PALLD: variants seen among roughly 807,000 people sequenced by gnomAD.
PALLD encodes palladin, cytoskeletal associated protein.
A neutral mutation model predicts 123.5 loss-of-function variants in PALLD; 61 were observed. That is an observed-to-expected ratio of 0.49 (90% confidence interval 0.40 to 0.61). PALLD has a LOEUF of 0.61. Ranked by LOEUF, PALLD falls within the 20% of genes least tolerant of loss-of-function variation. The pLI, the probability that PALLD is intolerant of heterozygous loss-of-function variation, is 0.00. For missense variants in PALLD, 1,273 were observed against 1,377.0 expected (o/e 0.92, Z 1.20); for synonymous variants, 465 against 496.4 (o/e 0.94, Z 0.84).
At chr4:168,907,783 A>T (rs557726710) in intron 15 of PALLD, among the ~76,000 whole-genome samples, 2 of 152,098 alleles carry the variant, frequency 1.3e-5, no homozygotes, top group African/African-American at 2.4e-5. Context: ...AGAATATCCT[A>T]TCCAACCTGT....
intron 10 of PALLD, among the ~76,000 whole-genome samples, chr4:168,836,568 C>T (rs927933943): frequency 2.6e-5 from 4 of 152,128 alleles, no homozygotes; most frequent in Admixed American, 1.3e-4. Context: ...TAACCAGGTG[C>T]TTCAGTTCTC....
chr4:168,755,007 C>T (rs550992894), intron 10 of PALLD, among the ~76,000 whole-genome samples: 158 of 152,112 alleles, frequency 1.0e-3, no homozygotes, highest in Middle Eastern at 6.8e-3. Context: ...CTGAGGTGGG[C>T]GGATCATGAG....
chr4:168,582,475 G>C (rs1366357294), intron 2 of PALLD, among the ~76,000 whole-genome samples: 1 of 151,518 alleles, frequency 6.6e-6, no homozygotes, highest in African/African-American at 2.4e-5. Context: ...TTGCCTAATT[G>C]CTCTGGCTAG....
chr4:168,748,354 G>A (rs1581256083), intron 10 of PALLD, among the ~76,000 whole-genome samples: 1 of 152,322 alleles, frequency 6.6e-6, no homozygotes, highest in Middle Eastern at 3.4e-3. Context: ...TCCACCAGGT[G>A]TTTCTAACCA....
At chr4:168,787,146 G>T (rs1209903565) in intron 10 of PALLD, among the ~76,000 whole-genome samples, 1 of 152,114 alleles carries the variant, frequency 6.6e-6, no homozygotes, top group Non-Finnish European at 1.5e-5. Flanking sequence ...CTTTTCCCAA[G>T]TCAGGGAGTG....
rs1757100059 is a variant in PALLD at position 168,904,015 on chromosome 4, T to C, written c.2622+109T>C. 7 of 1,133,264 alleles carry C rather than the reference T, an allele frequency of 6.2e-6. No homozygotes were observed. In the Admixed American group the frequency reaches 8.9e-5, roughly 14 times the overall value. 70.2% of individuals were successfully genotyped at this position (1,133,264 alleles called of 1,614,324 possible). ...GAAGTTAAGAAGTTTCTTTGATTTATGAAACTATTTTTCCAAATTCTACAT... is the reference window on the plus strand; with the variant it reads ...GAAGTTAAGAAGTTTCTTTGATTTACGAAACTATTTTTCCAAATTCTACAT... On this transcript the variant is annotated intron_variant, in intron 15 of 21. Transcript: ENST00000505667.
intron 1 of PALLD, among the ~76,000 whole-genome samples, chr4:168,505,861 G>A (rs1580008840): frequency 6.6e-6 from 1 of 152,166 alleles, no homozygotes; most frequent in East Asian, 1.9e-4. Flanking sequence ...AGAAGGGGTT[G>A]GCAATTTTTT....
At position 168,844,432 on chromosome 4, in the gene PALLD, A is replaced by C. The variant is rs1746495774; in HGVS notation, c.1965-46490A>C. 6.6e-6 allele frequency: 1 copy of C among 152,240 alleles called. No individual in the cohort carries two copies. The highest frequency in any genetic ancestry group is 2.4e-5 in the African/African-American group (1 of 41,466). 9.4% of individuals were successfully genotyped at this position (152,240 alleles called of 1,614,324 possible). A position where few individuals can be genotyped will look rare whatever the true frequency, so the allele number is the denominator to read the frequency against. ...ATACACATATACGCACACAGAAGAG[A>C]GAAGTGGGGAACCCCACAAGCCTTG... On this transcript the variant is annotated intron_variant, in intron 10 of 21. Coordinates refer to ENST00000505667, the MANE Select transcript of PALLD (RefSeq NM_001166108.2). This position sits in a 1 kb window ranked among gnomAD's most constrained non-coding sequence, Gnocchi z 4.5.
At chr4:168,755,232 C>CAAA (rs34076268) in intron 10 of PALLD, among the ~76,000 whole-genome samples, 2 of 104,542 alleles carry the variant, frequency 1.9e-5, no homozygotes, top group African/African-American at 3.8e-5. Context: ...GACTCCGTCT[C>CAAA]AAAAAAAAAA....
rs148331446 is a variant in PALLD at position 168,863,080 on chromosome 4, A to T, written c.1965-27842A>T. ...CTATCGCTTTGAAGGTGCACTTATT[A>T]GCAAGGGAGTCCATGTGTCTAGGGT... On this transcript the variant is annotated intron_variant, in intron 10 of 21. Transcript: ENST00000505667. 9.2e-5 allele frequency among the ~76,000 whole-genome samples: 14 copies of T among 152,322 alleles called. No individual in the cohort carries two copies. The East Asian group carries it at 2.3e-3, about 25-fold the overall frequency.
intron 10 of PALLD, among the ~76,000 whole-genome samples, chr4:168,882,138 A>C (rs910276525): frequency 6.6e-6 from 1 of 152,268 alleles, no homozygotes; most frequent in Non-Finnish European, 1.5e-5. Context: ...TGTGTCAATA[A>C]GAGCTTTTAT....
chr4:168,835,948 G>A (rs933507741), intron 10 of PALLD, among the ~76,000 whole-genome samples: 14 of 152,250 alleles, frequency 9.2e-5, no homozygotes, highest in Non-Finnish European at 1.9e-4. Flanking sequence ...AGCCTGAGGT[G>A]TCAGGGAAGG....
Position 168,653,800 on chromosome 4 carries a change from A to T in PALLD, c.909-14390A>T, listed in dbSNP as rs142230260. Among the ~76,000 whole-genome samples the T allele has an allele frequency of 2.8e-3, 433 of 152,156 alleles. 2 individuals carry two copies. The highest frequency in any genetic ancestry group is 9.9e-3 in the African/African-American group (412 of 41,508). ...ACTGCAACCTCTGCCTCCCGGGTTCACGCCATTCTCCTGCCTCAGCCTTCT... is the reference window on the plus strand; with the variant it reads ...ACTGCAACCTCTGCCTCCCGGGTTCTCGCCATTCTCCTGCCTCAGCCTTCT... On this transcript the variant is annotated intron_variant, in intron 2 of 21. Transcript: ENST00000505667.
intron 10 of PALLD, among the ~76,000 whole-genome samples, chr4:168,852,943 G>GT (rs1435451418): frequency 6.6e-6 from 1 of 152,136 alleles, no homozygotes; most frequent in African/African-American, 2.4e-5. Flanking sequence ...TGCCTCAGTT[G>GT]TTTTTGGTAA....
At chr4:168,666,949 G>A (rs765284365) in intron 2 of PALLD, among the ~76,000 whole-genome samples, 2 of 152,184 alleles carry the variant, frequency 1.3e-5, no homozygotes, top group Non-Finnish European at 2.9e-5. Context: ...AAGAAATACT[G>A]TCCTGCTCCG....
chr4:168,905,808 T>C (rs1757658703), intron 15 of PALLD, among the ~76,000 whole-genome samples: 1 of 147,698 alleles, frequency 6.8e-6, no homozygotes, highest in African/African-American at 2.5e-5. Context: ...TTTTTTTTTT[T>C]TTCTTTTTTG....
At chr4:168,773,128 A>G (rs192331308) in intron 10 of PALLD, among the ~76,000 whole-genome samples, 6 of 152,344 alleles carry the variant, frequency 3.9e-5, no homozygotes, top group Admixed American at 6.5e-5. Flanking sequence ...AAGTAAAATT[A>G]GTATTTTTTG....
intron 15 of PALLD, among the ~76,000 whole-genome samples, chr4:168,910,409 T>G (rs1301069556): frequency 6.6e-6 from 1 of 152,084 alleles, no homozygotes. Flanking sequence ...AAGGTTAATC[T>G]GCTTCCCACA....
intron 10 of PALLD, among the ~76,000 whole-genome samples, chr4:168,813,695 A>G (rs375659380): frequency 4.7e-4 from 71 of 152,292 alleles, no homozygotes; most frequent in African/African-American, 1.7e-3. Context: ...CCTGGCCTCA[A>G]GTGACCCTCC....
Sources: allele counts gnomAD v4.1 joint callset (sites outside exome capture counted in the v4.1 genomes callset), GRCh38; gene constraint gnomAD v4.1.1; non-coding constraint Gnocchi (gnomAD v3.1); transcripts MANE v1.5; gene names NCBI Gene and HGNC (gene_info 2026-07-23, HGNC 2026-07-21).